The following ITPR2 variants were observed in gnomAD, a reference collection of about 807,000 sequenced individuals.
ITPR2 encodes inositol 1,4,5-trisphosphate-gated calcium channel ITPR2.
Under a neutral mutation model 317.1 loss-of-function variants are expected in ITPR2, and 207 were observed. That is an observed-to-expected ratio of 0.65 (90% CI 0.58 to 0.73). ITPR2 has a LOEUF of 0.73. Ranked by LOEUF, ITPR2 falls within the 30% of genes least tolerant of loss-of-function variation. ITPR2 has a pLI of 0.00. For missense variants in ITPR2, 2,613 were observed against 3,284.0 expected, an observed-to-expected ratio of 0.80 and a Z score of 4.99; for synonymous variants, 1,156 against 1,149.1, an observed-to-expected ratio of 1.01 and a Z score of -0.12.
In ITPR2 at chr12:26,516,271, GGAAGGGAAGGGAAGGGAAAGGAAAGGAAA is replaced by G. The variant is rs1565574526; in HGVS notation, c.5074-21040_5074-21012del. Among the ~76,000 whole-genome samples the G allele has an allele frequency of 4.8e-4, 19 of 39,276 alleles. 1 individual carries two copies. The highest frequency in any genetic ancestry group is 1.1e-3 in the South Asian group (1 of 882). The allele number at this position is 39,276 out of a possible 152,430, so 25.8% of individuals were successfully genotyped here. On this transcript the variant is annotated intron_variant, in intron 37 of 56. Transcript: ENST00000381340. ...GGAAAGGAAAGGAAAGGAAAGGAAA[GGAAGGGAAGGGAAGGGAAAGGAAAGGAAA>G]GGAAAGGAAAGGAAAGGAAAGGAAA...
chr12:26,595,568 A>C lies in ITPR2; in HGVS notation c.4277T>G (p.Phe1426Cys), dbSNP rs1314955218. 1 of 1,587,468 alleles carries C rather than the reference A, an allele frequency of 6.3e-7. No individual in the cohort carries two copies. Among genetic ancestry groups the C allele is most frequent in the Non-Finnish European group, 8.5e-7 (1 of 1,172,120 alleles). Residue 1426 changes from phenylalanine (F) to cysteine (C), a missense_variant, in exon 32 of 57, where the codon TTT (phenylalanine) becomes TGT (cysteine). Around this residue, in one of 9 missense-constraint regions of ITPR2, gnomAD observed 926 missense variants for 1,072.8 expected, o/e 0.86. Coordinates refer to ENST00000381340, the MANE Select transcript of ITPR2 (RefSeq NM_002223.4). ...IPEVKIAYVN[F>C]VNHCYVDTEV... The stretch of plus-strand genomic sequence containing the variant: ...AGTGTCAACATAACAGTGATTAACA[A>C]AGTTCACATAAGCAATTTTAACCTG...
chr12:26,388,133 G>T (rs1237628203), intron 54 of ITPR2, among the ~76,000 whole-genome samples: 1 of 152,180 alleles, frequency 6.6e-6, no homozygotes, highest in Non-Finnish European at 1.5e-5. Flanking sequence ...CAGCCCTCTA[G>T]GGTACCGTGT....
At chr12:26,673,696 G>A (rs1239082072) in intron 13 of ITPR2, among the ~76,000 whole-genome samples, 6 of 151,260 alleles carry the variant, frequency 4.0e-5, no homozygotes, top group Admixed American at 4.0e-4. Context: ...TCTGGCCAGG[G>A]CAATTAGGCA....
intron 37 of ITPR2, among the ~76,000 whole-genome samples, chr12:26,528,168 G>A (rs572288075): frequency 6.6e-6 from 1 of 152,270 alleles, no homozygotes; most frequent in South Asian, 2.1e-4. Flanking sequence ...ATGTTTTCCA[G>A]TTGCATATTC....
intron 2 of ITPR2, among the ~76,000 whole-genome samples, chr12:26,764,487 C>A (rs1487889544): frequency 6.6e-6 from 1 of 151,836 alleles, no homozygotes; most frequent in Non-Finnish European, 1.5e-5. Context: ...TATTATTATC[C>A]AAAATATACA....
chr12:26,720,035 C>T (rs1031395909), intron 5 of ITPR2, among the ~76,000 whole-genome samples: 1 of 152,266 alleles, frequency 6.6e-6, no homozygotes, highest in African/African-American at 2.4e-5. Flanking sequence ...CTGCTCATAG[C>T]TGTCCCTAGT....
Position 26,446,144 on chromosome 12 carries a change from A to C in ITPR2, c.6343-2494T>G, listed in dbSNP as rs1164192858. ...ATGAGGACGAGAGAGGAGGTGTTGG[A>C]TAACTGATGAAAAGCAGCTATAAAA... On this transcript the variant is annotated intron_variant, in intron 45 of 56. Coordinates refer to ENST00000381340, the MANE Select transcript of ITPR2 (RefSeq NM_002223.4). 5.3e-5 allele frequency among the ~76,000 whole-genome samples: 8 copies of C among 152,214 alleles called. No homozygotes were observed. In the East Asian group the frequency reaches 1.5e-3, roughly 29 times the overall value.
intron 21 of ITPR2, among the ~76,000 whole-genome samples, chr12:26,645,703 A>G (rs1395426500): frequency 1.3e-5 from 2 of 152,232 alleles, no homozygotes; most frequent in African/African-American, 4.8e-5. Context: ...AACTTTGCTA[A>G]CACTTCTTAG....
At chr12:26,454,251 G>A (rs1941821987) in intron 45 of ITPR2, among the ~76,000 whole-genome samples, 2 of 152,036 alleles carry the variant, frequency 1.3e-5, no homozygotes, top group Non-Finnish European at 2.9e-5. Context: ...TGTCACCAAG[G>A]TGGAGTGCAG....
At chr12:26,430,411 C>A (rs1483107131) in intron 48 of ITPR2, among the ~76,000 whole-genome samples, 2 of 152,174 alleles carry the variant, frequency 1.3e-5, no homozygotes, top group African/African-American at 4.8e-5. Context: ...GTACAGGTGC[C>A]TGCCACCACG....
At chr12:26,646,215 G>A (rs922558108) in intron 21 of ITPR2, among the ~76,000 whole-genome samples, 2 of 151,846 alleles carry the variant, frequency 1.3e-5, no homozygotes, top group Non-Finnish European at 2.9e-5. Context: ...AAAAGAGATT[G>A]CAAAGATCAT....
chr12:26,717,163 C>A (rs1948754099), intron 5 of ITPR2, among the ~76,000 whole-genome samples: 1 of 151,890 alleles, frequency 6.6e-6, no homozygotes, highest in Admixed American at 6.6e-5. Context: ...AAACCAAAAC[C>A]CTCCCTTTGT....
intron 18 of ITPR2, 70 bp from the exon 19 acceptor site, chr12:26,656,618 C>T (rs1947373697): frequency 6.7e-7 from 1 of 1,503,418 alleles, no homozygotes; most frequent in Non-Finnish European, 9.1e-7. Flanking sequence ...TAGTACCAAT[C>T]AGTATCTATG....
At chr12:26,812,186 A>G (rs1950763694) in intron 1 of ITPR2, among the ~76,000 whole-genome samples, 1 of 151,594 alleles carries the variant, frequency 6.6e-6, no homozygotes, top group Admixed American at 6.6e-5. Flanking sequence ...AAGTAAAGAA[A>G]TATAGAAAAA....
At position 26,700,575 on chromosome 12, in the gene ITPR2, C is replaced by T. The variant is rs186514099; in HGVS notation, c.952-4925G>A. ...CACAGGTCTGAGGGCTCCAGAGCCA[C>T]GTCTTTCAGTTCCTGTAGCACGCTG... On this transcript the variant is annotated intron_variant, in intron 9 of 56. Transcript: ENST00000381340. 3.0e-3 allele frequency among the ~76,000 whole-genome samples: 450 copies of T among 152,280 alleles called. 2 individuals are homozygous for T. Among genetic ancestry groups the T allele is most frequent in the African/African-American group, 0.01 (433 of 41,548 alleles).
rs1491173931 is a variant in ITPR2, at chr12:26,391,555, C to CTTTTTTTTTTTTTTTTTTTTTTT, written c.7697-3962_7697-3961insAAAAAAAAAAAAAAAAAAAAAAA. On this transcript the variant is annotated intron_variant, in intron 54 of 56. Coordinates refer to ENST00000381340, the MANE Select transcript of ITPR2 (RefSeq NM_002223.4). ...AGCTTCTTCTTCTTCTTCTTCTTTT[C>CTTTTTTTTTTTTTTTTTTTTTTT]CTTTTTTTTTTTTTTTTTTTTTTTT... Among the ~76,000 whole-genome samples, 40 of 70,846 alleles carry CTTTTTTTTTTTTTTTTTTTTTTT rather than the reference C, an allele frequency of 5.6e-4. 8 individuals are homozygous for CTTTTTTTTTTTTTTTTTTTTTTT. Among genetic ancestry groups the CTTTTTTTTTTTTTTTTTTTTTTT allele is most frequent in the Admixed American group, 8.1e-4 (4 of 4,936 alleles). 46.5% of individuals were successfully genotyped at this position (70,846 alleles called of 152,430 possible). A position where few individuals can be genotyped will look rare whatever the true frequency, so the allele number is the denominator to read the frequency against.
intron 2 of ITPR2, among the ~76,000 whole-genome samples, chr12:26,771,913 T>C: frequency 6.6e-6 from 1 of 152,276 alleles, no homozygotes; most frequent in East Asian, 1.9e-4. Flanking sequence ...CTCATATTGC[T>C]GTAAAATATT....
intron 23 of ITPR2, among the ~76,000 whole-genome samples, chr12:26,624,621 A>G (rs552999646): frequency 1.1e-4 from 16 of 152,318 alleles, no homozygotes; most frequent in African/African-American, 3.8e-4. Context: ...CAAAACTACA[A>G]TGAGATATCA....
At chr12:26,547,835 G>C (rs930561959) in intron 37 of ITPR2, among the ~76,000 whole-genome samples, 6 of 152,130 alleles carry the variant, frequency 3.9e-5, no homozygotes, top group African/African-American at 7.2e-5. Flanking sequence ...TGTTATTCCT[G>C]TCTTATATTC....
Sources: allele counts gnomAD v4.1 joint callset (sites outside exome capture counted in the v4.1 genomes callset), GRCh38; gene constraint gnomAD v4.1.1; regional missense constraint gnomAD v4.1.1; transcripts MANE v1.5; gene names NCBI Gene and HGNC (gene_info 2026-07-23, HGNC 2026-07-21).